Variants in NAV3 observed in about 807,000 individuals in gnomAD.
The protein encoded by NAV3 is pore membrane and/or filament interacting like protein 1.
Under a neutral mutation model 244.7 loss-of-function variants are expected in NAV3, and 87 were observed. That is an observed-to-expected ratio of 0.36 (90% CI 0.30 to 0.42). The LOEUF (loss-of-function observed/expected upper bound fraction) is 0.42. Among genes scored for constraint, NAV3 ranks in the 20% least tolerant of loss-of-function variants. The pLI is 1.00. For missense variants in NAV3, 2,663 were observed against 2,893.3 expected (o/e 0.92, Z 1.83); for synonymous variants, 1,126 against 1,042.2 (o/e 1.08, Z -1.55).
intron 2 of NAV3, among the ~76,000 whole-genome samples, chr12:77,686,424 CTTTT>C (rs10573795): frequency 8.3e-4 from 94 of 113,860 alleles, no homozygotes; most frequent in African/African-American, 2.5e-3. Context: ...TTCTTTCTTT[CTTTT>C]TTTTTTTTTT....
intron 8 of NAV3, 39 bp from the exon 9 acceptor site, chr12:78,021,702 GTGACTA>G: frequency 7.6e-7 from 1 of 1,314,176 alleles, no homozygotes; most frequent in Non-Finnish European, 1.1e-6. Flanking sequence ...TGAGTGACTA[GTGACTA>G]TAACTGCTAT....
At chr12:77,991,303 T>C (rs888037424) in intron 5 of NAV3, among the ~76,000 whole-genome samples, 5 of 152,266 alleles carry the variant, frequency 3.3e-5, no homozygotes, top group African/African-American at 9.6e-5. Flanking sequence ...TGATTACCGA[T>C]GTGAGCCACT....
chr12:77,923,457 A>G (rs1887903486), intron 1 of NAV3, among the ~76,000 whole-genome samples: 1 of 152,132 alleles, frequency 6.6e-6, no homozygotes, highest in African/African-American at 2.4e-5. Flanking sequence ...AAATTTGGAA[A>G]CATCATTAAT....
At chr12:77,703,303 C>T (rs1398009364) in intron 2 of NAV3, among the ~76,000 whole-genome samples, 3 of 152,016 alleles carry the variant, frequency 2.0e-5, no homozygotes, top group Non-Finnish European at 2.9e-5. Context: ...TGTCTGTCTC[C>T]TTTCACATAG....
rs71088341 is a variant in NAV3 at position 77,831,169 on chromosome 12, CAGAGAG to C, written c.-273_-268del. ...CACTGAACAGAGAGAGAGAGAGAGACAGAGAGAGAGAGAGAGAGAGAGAGACAGAGA... is the reference window on the plus strand; with the variant it reads ...CACTGAACAGAGAGAGAGAGAGAGACAGAGAGAGAGAGAGAGAGACAGAGA... On this transcript the variant is annotated 5_prime_UTR_variant, in exon 1 of 40. Transcript: ENST00000397909. The C allele has an allele frequency of 0.015, 2,111 of 142,874 alleles. 4 individuals are homozygous for C. Among genetic ancestry groups the C allele is most frequent in the South Asian group, 0.027 (176 of 6,536 alleles). The allele number at this position is 142,874 out of a possible 1,614,324, so 8.9% of individuals were successfully genotyped here.
At chr12:77,573,901 T>G (rs989915587) in intron 2 of NAV3, among the ~76,000 whole-genome samples, 9 of 152,194 alleles carry the variant, frequency 5.9e-5, no homozygotes, top group Admixed American at 4.6e-4. Flanking sequence ...AGTTGAAGAA[T>G]GGAACGAATT....
At chr12:78,119,193 C>G (rs762278976) in intron 14 of NAV3, 44 bp from the exon 15 acceptor site, 2 of 1,525,250 alleles carry the variant, frequency 1.3e-6, no homozygotes, top group South Asian at 2.5e-5. Flanking sequence ...GTGGTGATAT[C>G]AAACTCTACA....
chr12:77,672,792 C>T (rs1196624018), intron 2 of NAV3, among the ~76,000 whole-genome samples: 6 of 151,100 alleles, frequency 4.0e-5, no homozygotes, highest in Non-Finnish European at 5.9e-5. Context: ...GAACCTGTTC[C>T]CTAAAAACTT....
intron 9 of NAV3, among the ~76,000 whole-genome samples, chr12:78,038,299 T>C: frequency 6.6e-6 from 1 of 152,222 alleles, no homozygotes; most frequent in East Asian, 1.9e-4. Flanking sequence ...TCATATTTTA[T>C]GTCAATGTGT....
intron 1 of NAV3, among the ~76,000 whole-genome samples, chr12:77,895,738 G>GT (rs11437920): frequency 0.47 from 59,845 of 127,900 alleles, 13,064 homozygotes; most frequent in East Asian, 0.54. Flanking sequence ...GTACCCTCTT[G>GT]TTTTTTTTTT....
chr12:77,971,156 T>A (rs1190050323), intron 5 of NAV3, among the ~76,000 whole-genome samples: 1 of 152,078 alleles, frequency 6.6e-6, no homozygotes, highest in Non-Finnish European at 1.5e-5. Flanking sequence ...ATACTCATGG[T>A]TTTTATACTC....
intron 1 of NAV3, among the ~76,000 whole-genome samples, chr12:77,870,006 C>A (rs1308298756): frequency 6.6e-6 from 1 of 152,040 alleles, no homozygotes; most frequent in African/African-American, 2.4e-5. Flanking sequence ...AATTTTATGT[C>A]TACAAAATTT....
At chr12:78,010,932 G>C (rs991623952) in intron 8 of NAV3, 2 of 151,844 alleles carry the variant, frequency 1.3e-5, no homozygotes, top group African/African-American at 4.8e-5. Flanking sequence ...ATATAATGTG[G>C]ATTCTGGAAG....
At chr12:77,665,110 A>G (rs772769134) in intron 2 of NAV3, among the ~76,000 whole-genome samples, 1 of 152,220 alleles carries the variant, frequency 6.6e-6, no homozygotes, top group African/African-American at 2.4e-5. Context: ...TGTAATTTAT[A>G]TCAACACTTT....
intron 33 of NAV3, among the ~76,000 whole-genome samples, chr12:78,189,484 TA>T (rs1958875397): frequency 6.6e-6 from 1 of 151,348 alleles, no homozygotes; most frequent in Admixed American, 6.6e-5. Flanking sequence ...GTTGTACAAC[TA>T]GGATGCATAA....
rs1439791114 is a variant in NAV3 at position 77,963,890 on chromosome 12, CTTCTCCTTCTCCTTCCTTCTCCTTCT to C, written c.415-2338_415-2313del. On this transcript the variant is annotated intron_variant, in intron 3 of 39. Transcript: ENST00000397909. ...CTCCCTCCTTCCTTCCTTCTCCTTCCTTCTCCTTCTCCTTCCTTCTCCTTCTCCTTCCTTCTTCTCCTCCTTCTGCT... is the reference window on the plus strand; with the variant it reads ...CTCCCTCCTTCCTTCCTTCTCCTTCCCCTTCCTTCTTCTCCTCCTTCTGCT... Among the ~76,000 whole-genome samples, 161 of 21,930 alleles carry C rather than the reference CTTCTCCTTCTCCTTCCTTCTCCTTCT, an allele frequency of 7.3e-3. 1 individual carries two copies. The highest frequency in any genetic ancestry group is 0.022 in the Middle Eastern group (1 of 46). The allele number at this position is 21,930 out of a possible 152,430, so 14.4% of individuals were successfully genotyped here. A position where few individuals can be genotyped will look rare whatever the true frequency, so the allele number is the denominator to read the frequency against.
chr12:78,078,855 A>T (rs1253297649), intron 12 of NAV3, among the ~76,000 whole-genome samples: 2 of 152,218 alleles, frequency 1.3e-5, no homozygotes, highest in African/African-American at 4.8e-5. Flanking sequence ...ATAATGTGGC[A>T]TAGTGAAATC....
At chr12:77,727,430 AT>A (rs35899693) in intron 2 of NAV3, among the ~76,000 whole-genome samples, 11,206 of 148,716 alleles carry the variant, frequency 0.075, 1,304 homozygotes, top group African/African-American at 0.25. Flanking sequence ...AAGAGGAACA[AT>A]TTTTTTTTTT....
At chr12:77,893,208 A>G (rs1884159686) in intron 1 of NAV3, among the ~76,000 whole-genome samples, 4 of 152,178 alleles carry the variant, frequency 2.6e-5, no homozygotes. Context: ...ATTTTTAACA[A>G]CCTCAGGAAT....
Sources: allele counts gnomAD v4.1 joint callset (sites outside exome capture counted in the v4.1 genomes callset), GRCh38; gene constraint gnomAD v4.1.1; transcripts MANE v1.5; gene names NCBI Gene and HGNC (gene_info 2026-07-23, HGNC 2026-07-21).